Variants in ADRA1B observed in about 807,000 individuals in gnomAD.
ADRA1B encodes adrenoceptor alpha 1B, also known as alpha-1B adrenergic receptor.
In ADRA1B, 17 loss-of-function variants were observed where a neutral mutation model predicts 17.9. That is an observed-to-expected ratio of 0.95 (90% CI 0.65 to 1.42). The LOEUF (loss-of-function observed/expected upper bound fraction) is 1.42, where lower values mean the gene tolerates loss of function less well. Ranked by LOEUF, ADRA1B falls within the 40% of genes most tolerant of loss-of-function variation. The probability of loss-of-function intolerance (pLI) is 0.00; values close to 1 mark genes in which losing one functional copy is unlikely to be tolerated. For missense variants in ADRA1B, 681 were observed against 722.1 expected, an observed-to-expected ratio of 0.94 and a Z score of 0.65; for synonymous variants, 366 against 327.6, an observed-to-expected ratio of 1.12 and a Z score of -1.27.
chr5:159,931,393 CAAAA>C, intron 1 of ADRA1B, among the ~76,000 whole-genome samples: 1 of 132,198 alleles, frequency 7.6e-6, no homozygotes, highest in Admixed American at 7.7e-5. Flanking sequence ...GACCCTATCT[CAAAA>C]AAAAAAAAAA....
At chr5:159,926,081 T>G (rs1228198221) in intron 1 of ADRA1B, among the ~76,000 whole-genome samples, 1 of 152,194 alleles carries the variant, frequency 6.6e-6, no homozygotes, top group East Asian at 1.9e-4. Context: ...AATGAATGAA[T>G]GAGTAGTACA....
chr5:159,971,915 T>C lies in ADRA1B; in HGVS notation c.986T>C (p.Val329Ala). 8.7e-7 allele frequency: 1 copy of C among 1,142,912 alleles called. No individual in the cohort carries two copies. The allele number at this position is 1,142,912 out of a possible 1,614,324, so 70.8% of individuals were successfully genotyped here. ...LFSTLKPPDA[V>A]FKVVFWLGYF... ...TCCACCCTGAAGCCCCCCGACGCCG[T>C]GTTCAAGGTGGTGTTCTGGCTGGGC... Residue 329 changes from valine (V) to alanine (A), a missense_variant, in exon 2 of 2, where the codon GTG becomes GCG. Physicochemically the swap from Val to Ala is moderately conservative, Grantham distance 64. Transcript: ENST00000306675.
chr5:159,973,661 C>T (rs1339570173), downstream of ADRA1B, among the ~76,000 whole-genome samples: 1 of 152,178 alleles, frequency 6.6e-6, no homozygotes, highest in Non-Finnish European at 1.5e-5. Flanking sequence ...GTGACCCTGC[C>T]TGGAAAAAAG....
At chr5:159,883,953 C>A (rs1285221518) in intron 1 of ADRA1B, among the ~76,000 whole-genome samples, 1 of 152,174 alleles carries the variant, frequency 6.6e-6, no homozygotes, top group Non-Finnish European at 1.5e-5. Flanking sequence ...CCCTCAATAC[C>A]AAACACATCA....
intron 1 of ADRA1B, among the ~76,000 whole-genome samples, chr5:159,964,060 G>A (rs1272738044): frequency 6.6e-6 from 1 of 152,204 alleles, no homozygotes; most frequent in Non-Finnish European, 1.5e-5. Context: ...TACATAGCAG[G>A]AGAAATTCAC....
At chr5:159,952,987 CTAT>C (rs1755475053) in intron 1 of ADRA1B, among the ~76,000 whole-genome samples, 1 of 152,206 alleles carries the variant, frequency 6.6e-6, no homozygotes. Flanking sequence ...AGGGGGGATG[CTAT>C]TTCCTGCCCT....
intron 1 of ADRA1B, among the ~76,000 whole-genome samples, chr5:159,922,615 G>A (rs1304842580): frequency 2.0e-5 from 3 of 152,138 alleles, no homozygotes; most frequent in Admixed American, 6.6e-5. Context: ...CTCAGGGCTC[G>A]ATGTTCTCCT....
At chr5:159,948,509 T>C in intron 1 of ADRA1B, 1 of 970,748 alleles carries the variant, frequency 1.0e-6, no homozygotes, top group Non-Finnish European at 1.2e-6. Flanking sequence ...AGAAGTTATA[T>C]GCGTGTTTTC....
chr5:159,896,045 A>T (rs1409272610), intron 1 of ADRA1B, among the ~76,000 whole-genome samples: 3 of 152,354 alleles, frequency 2.0e-5, no homozygotes, highest in Non-Finnish European at 4.4e-5. Context: ...TGGTGAATGG[A>T]TGGATGAAAA....
upstream of ADRA1B, among the ~76,000 whole-genome samples, chr5:159,911,612 G>A (rs1244578443): frequency 6.6e-6 from 1 of 152,192 alleles, no homozygotes; most frequent in East Asian, 1.9e-4. Flanking sequence ...TTGGGGGAAT[G>A]CATGCTCACC....
In ADRA1B at chr5:159,927,381, GCACA is replaced by G. The variant is rs59807316; in HGVS notation, c.949+9557_949+9560del. On this transcript the variant is annotated intron_variant, in intron 1 of 1. Transcript: ENST00000306675. ...ATAATAAAATTATAAATTAAAACAT[GCACA>G]CACACACACACACACACACACACAC... 4.6e-3 allele frequency among the ~76,000 whole-genome samples: 641 copies of G among 140,724 alleles called. 4 individuals carry two copies. The highest frequency in any genetic ancestry group is 0.012 in the African/African-American group (447 of 37,370). The allele number at this position is 140,724 out of a possible 152,430, so 92.3% of individuals were successfully genotyped here.
At chr5:159,918,769 C>T (rs751462339) in intron 1 of ADRA1B, among the ~76,000 whole-genome samples, 20 of 152,138 alleles carry the variant, frequency 1.3e-4, no homozygotes, top group Non-Finnish European at 2.5e-4. Context: ...AGCAGGTAAA[C>T]CTAAAGGGGG....
At chr5:159,884,219 T>C (rs1012406393) in intron 1 of ADRA1B, among the ~76,000 whole-genome samples, 3 of 152,266 alleles carry the variant, frequency 2.0e-5, no homozygotes, top group Admixed American at 2.0e-4. Flanking sequence ...TCCCAATCCC[T>C]AAATGGCATG....
At chr5:159,894,030 C>A (rs1277509030) in intron 1 of ADRA1B, among the ~76,000 whole-genome samples, 1 of 152,190 alleles carries the variant, frequency 6.6e-6, no homozygotes, top group Non-Finnish European at 1.5e-5. Flanking sequence ...CTCAGGCTGG[C>A]CCCTCACATG....
chr5:159,896,366 C>T (rs1012195965), intron 1 of ADRA1B, among the ~76,000 whole-genome samples: 2 of 152,176 alleles, frequency 1.3e-5, no homozygotes, highest in Non-Finnish European at 2.9e-5. Flanking sequence ...CACCTGAGCC[C>T]AAATGCAGCC....
chr5:159,983,439 C>T, the ADRA1B span, among the ~76,000 whole-genome samples: 3 of 152,236 alleles, frequency 2.0e-5, no homozygotes, highest in African/African-American at 4.8e-5. Flanking sequence ...TCTGGCACCA[C>T]GGTCTCTCAC....
At chr5:159,901,001 G>A (rs572799490) in intron 1 of ADRA1B, among the ~76,000 whole-genome samples, 16 of 152,028 alleles carry the variant, frequency 1.1e-4, no homozygotes, top group Non-Finnish European at 1.6e-4. Context: ...GGCCTCCTGA[G>A]GTGACTACTC....
intron 1 of ADRA1B, among the ~76,000 whole-genome samples, chr5:159,927,878 C>T (rs888578204): frequency 6.6e-6 from 1 of 152,142 alleles, no homozygotes; most frequent in Admixed American, 6.5e-5. Context: ...AGAGCAAAGC[C>T]ATCATCCGTT....
At chr5:159,947,599 T>C (rs1755312473) in intron 1 of ADRA1B, 1 of 614,514 alleles carries the variant, frequency 1.6e-6, no homozygotes, top group Non-Finnish European at 2.0e-6. Flanking sequence ...CCCTTTTACA[T>C]TCTTTTTTTC....
Sources: gnomAD v4.1 joint callset for allele counts (sites outside exome capture counted in the v4.1 genomes callset) on GRCh38, gnomAD v4.1.1 for gene constraint, MANE v1.5 for transcripts, NCBI Gene and HGNC (gene_info 2026-07-23, HGNC 2026-07-21) for gene names.